CWF19L2: variants seen among roughly 807,000 people sequenced by gnomAD.
CWF19L2 encodes the protein CWF19 like cell cycle control factor 2, also known as CWF19-like protein 2.
A neutral mutation model predicts 111.7 loss-of-function variants in CWF19L2; 98 were observed. The ratio of observed to expected loss-of-function variants is 0.88; its 90% CI spans 0.75 to 1.04. The LOEUF (loss-of-function observed/expected upper bound fraction) is 1.04, where lower values mean the gene tolerates loss of function less well. CWF19L2 is among the 50% of genes least tolerant of loss of function. The pLI, the probability that CWF19L2 is intolerant of heterozygous loss-of-function variation, is 0.00. For missense variants in CWF19L2, 1,101 were observed against 1,051.4 expected, an observed-to-expected ratio of 1.05 and a Z score of -0.65; for synonymous variants, 351 against 342.9, an observed-to-expected ratio of 1.02 and a Z score of -0.26.
In CWF19L2 at chr11:107,373,430, G is replaced by A. The variant is rs551915431; in HGVS notation, c.1872+16644C>T. On this transcript the variant is annotated intron_variant, in intron 12 of 17. Coordinates refer to ENST00000282251, the MANE Select transcript of CWF19L2 (RefSeq NM_152434.3). ...AGCACGCAGCTGAAGATCTGAGAAC[G>A]GGCAGACTGCCTCCTCAAGTGGGTC... Among the ~76,000 whole-genome samples the A allele has an allele frequency of 2.8e-4, 38 of 136,022 alleles. 7 individuals carry two copies. The East Asian group carries it at 4.6e-3, about 16-fold the overall frequency. The allele number at this position is 136,022 out of a possible 152,430, so 89.2% of individuals were successfully genotyped here.
Position 107,330,151 on chromosome 11 carries a change from G to C in CWF19L2, c.2440-132C>G, listed in dbSNP as rs536438509. 4.1e-5 allele frequency: 20 copies of C among 485,744 alleles called. No individual in the cohort carries two copies. The South Asian group carries it at 1.0e-3, about 25-fold the overall frequency. 30.1% of individuals were successfully genotyped at this position (485,744 alleles called of 1,614,324 possible). A position where few individuals can be genotyped will look rare whatever the true frequency, so the allele number is the denominator to read the frequency against. On this transcript the variant is annotated intron_variant, in intron 16 of 17. Coordinates refer to ENST00000282251, the MANE Select transcript of CWF19L2 (RefSeq NM_152434.3). ...GACAAATGTATAAAATGAATTTCCA[G>C]TTCTAGAGATATTTAAACAATGACC...
intron 10 of CWF19L2, among the ~76,000 whole-genome samples, chr11:107,410,171 T>A (rs1414490124): frequency 1.3e-5 from 2 of 152,172 alleles, no homozygotes; most frequent in Non-Finnish European, 2.9e-5. Context: ...TGCATGGGGT[T>A]TTCTTTTCTC....
At chr11:107,425,579 T>C (rs1861364712) in intron 8 of CWF19L2, among the ~76,000 whole-genome samples, 1 of 151,858 alleles carries the variant, frequency 6.6e-6, no homozygotes, top group Non-Finnish European at 1.5e-5. Flanking sequence ...CTAATGACAA[T>C]TTCTCAGAAT....
At chr11:107,438,544 C>A (rs1204833164) in intron 6 of CWF19L2, among the ~76,000 whole-genome samples, 2 of 152,068 alleles carry the variant, frequency 1.3e-5, no homozygotes, top group Non-Finnish European at 2.9e-5. Flanking sequence ...TAGAATCATA[C>A]TTTGTATTAA....
chr11:107,391,363 A>C (rs1860844423), intron 11 of CWF19L2, among the ~76,000 whole-genome samples: 1 of 152,132 alleles, frequency 6.6e-6, no homozygotes, highest in Non-Finnish European at 1.5e-5. Context: ...ATCATCTACA[A>C]ACCCGTAAGC....
chr11:107,447,510 A>G (rs1861717623), intron 3 of CWF19L2, among the ~76,000 whole-genome samples: 1 of 152,202 alleles, frequency 6.6e-6, no homozygotes, highest in South Asian at 2.1e-4. Flanking sequence ...CAGAATAAAG[A>G]AACCTCGCTG....
Position 107,429,333 on chromosome 11 carries a change from TGACA to T in CWF19L2, c.895_898del (p.Cys299LysfsTer8), listed in dbSNP as rs1181567568. 6.2e-7 allele frequency: 1 copy of T among 1,608,110 alleles called. No homozygotes were observed. Among genetic ancestry groups the T allele is most frequent in the Non-Finnish European group, 8.5e-7 (1 of 1,176,454 alleles). ...TACTAAGTCTGATTCTCTACTTTCT[TGACA>T]ATTTTGTGCTTTATCTGAATATGTG... On this transcript the variant is annotated frameshift_variant, in exon 8 of 18. Transcript: ENST00000282251. LOFTEE classifies it high-confidence loss of function.
chr11:107,389,811 G>A (rs1860821603), intron 12 of CWF19L2, among the ~76,000 whole-genome samples: 1 of 152,146 alleles, frequency 6.6e-6, no homozygotes, highest in Non-Finnish European at 1.5e-5. Context: ...TTAAATGGTA[G>A]AGGAAATGTA....
At chr11:107,456,258 C>G (rs955371716) in intron 1 of CWF19L2, among the ~76,000 whole-genome samples, 1 of 152,324 alleles carries the variant, frequency 6.6e-6, no homozygotes, top group East Asian at 1.9e-4. Flanking sequence ...TTTATCCATT[C>G]TTCAATGATA....
At chr11:107,418,151 A>G (rs770625929) in intron 9 of CWF19L2, 43 bp downstream of exon 9, 2 of 1,200,882 alleles carry the variant, frequency 1.7e-6, no homozygotes, top group South Asian at 2.4e-5. Context: ...AAGAAGTTAA[A>G]CATTTAATCA....
At position 107,335,211 on chromosome 11, in the gene CWF19L2, T is replaced by A. The variant is rs939018233; in HGVS notation, c.2359-250A>T. On this transcript the variant is annotated intron_variant, in intron 15 of 17. Transcript: ENST00000282251. ...ATACTAACTTGAGCTCAACTTTACA[T>A]GGCAATCCTTAATAAGACCAATCAA... Among the ~76,000 whole-genome samples, 15 of 152,188 alleles carry A rather than the reference T, an allele frequency of 9.9e-5. 1 individual carries two copies. Among genetic ancestry groups the A allele is most frequent in the Admixed American group, 6.5e-4 (10 of 15,274 alleles).
At position 107,428,944 on chromosome 11, in the gene CWF19L2, G is replaced by A; in HGVS notation, c.1288C>T (p.His430Tyr). The change falls in exon 8 of 18, where the codon CAT becomes TAT. Residue 430 changes from histidine (H) to tyrosine (Y), a missense_variant. His to Tyr is a moderately conservative substitution (Grantham distance 83, BLOSUM62 2). Coordinates refer to ENST00000282251, the MANE Select transcript of CWF19L2 (RefSeq NM_152434.3). ...GTTTCCGATGGCTTTTGATTTGAAT[G>A]TTTCTTGTCTCCTCTCCCATCAGAG... ...SRSDGRGDKK[H>Y]SNQKPSETST... is the part of the protein sequence containing the mutation. 1.2e-6 allele frequency: 2 copies of A among 1,613,532 alleles called. No individual in the cohort carries two copies. Among genetic ancestry groups the A allele is most frequent in the South Asian group, 1.1e-5 (1 of 91,036 alleles).
chr11:107,429,974 G>A (rs773209034), intron 7 of CWF19L2, among the ~76,000 whole-genome samples: 2 of 151,888 alleles, frequency 1.3e-5, no homozygotes, highest in African/African-American at 4.8e-5. Flanking sequence ...GTAAATAAAT[G>A]TAAGTTATAA....
intron 3 of CWF19L2, 108 bp from the exon 4 acceptor site, chr11:107,443,157 C>T: frequency 2.7e-6 from 2 of 744,460 alleles, no homozygotes; most frequent in Non-Finnish European, 4.6e-6. Flanking sequence ...AAAATTCTTA[C>T]ACTGTATTTC....
intron 11 of CWF19L2, among the ~76,000 whole-genome samples, chr11:107,392,449 G>C (rs548194492): frequency 6.6e-6 from 1 of 152,248 alleles, no homozygotes; most frequent in Admixed American, 6.5e-5. Flanking sequence ...ACTAGTAACA[G>C]CTCTGAGAGA....
At chr11:107,387,069 T>A (rs1182148935) in intron 12 of CWF19L2, among the ~76,000 whole-genome samples, 2 of 148,174 alleles carry the variant, frequency 1.3e-5, no homozygotes, top group African/African-American at 5.0e-5. Flanking sequence ...AAAAAAAGGC[T>A]AATGCATCCA....
At chr11:107,448,835 G>A (rs1415104991) in intron 3 of CWF19L2, among the ~76,000 whole-genome samples, 1 of 152,018 alleles carries the variant, frequency 6.6e-6, no homozygotes, top group Non-Finnish European at 1.5e-5. Flanking sequence ...GTCTACCAGC[G>A]CCTCGATCTT....
intron 10 of CWF19L2, among the ~76,000 whole-genome samples, chr11:107,405,722 G>C (rs1055123891): frequency 1.3e-5 from 2 of 151,948 alleles, no homozygotes; most frequent in African/African-American, 4.8e-5. Flanking sequence ...CTAAGAGGCA[G>C]TTCATAGACT....
intron 10 of CWF19L2, among the ~76,000 whole-genome samples, chr11:107,394,146 A>C (rs1193291366): frequency 6.6e-6 from 1 of 152,222 alleles, no homozygotes; most frequent in Non-Finnish European, 1.5e-5. Context: ...TATAGAAAAA[A>C]TCAATCCCAA....
Sources: gnomAD v4.1 joint callset for allele counts (sites outside exome capture counted in the v4.1 genomes callset) on GRCh38, gnomAD v4.1.1 for gene constraint, MANE v1.5 for transcripts, NCBI Gene and HGNC (gene_info 2026-07-23, HGNC 2026-07-21) for gene names.